Variants in IGSF11 observed in about 807,000 individuals in gnomAD.
IGSF11 encodes the protein immunoglobulin superfamily member 11, also known as CXADR like 1.
Under a neutral mutation model 41.0 loss-of-function variants are expected in IGSF11, and 22 were observed. That is an observed-to-expected ratio of 0.54 (90% CI 0.38 to 0.77). The LOEUF is 0.77. Ranked by LOEUF, IGSF11 falls within the 30% of genes least tolerant of loss-of-function variation. The probability of loss-of-function intolerance (pLI) is 0.00; values close to 1 mark genes in which losing one functional copy is unlikely to be tolerated. For synonymous variants in IGSF11, 219 were observed against 201.3 expected, an observed-to-expected ratio of 1.09 and a Z score of -0.74; for missense variants, 444 against 530.8, an observed-to-expected ratio of 0.84 and a Z score of 1.61.
chr3:119,132,500 A>G (rs2077498540), intron 1 of IGSF11, among the ~76,000 whole-genome samples: 1 of 152,038 alleles, frequency 6.6e-6, no homozygotes, highest in Admixed American at 6.6e-5. Context: ...TATTAAAGGG[A>G]TCAATTCAAC....
chr3:118,968,963 C>T (rs142803736), intron 1 of IGSF11, among the ~76,000 whole-genome samples: 4 of 152,266 alleles, frequency 2.6e-5, no homozygotes, highest in African/African-American at 7.2e-5. Context: ...AAATTCATCT[C>T]ATACACATAA....
chr3:119,005,329 C>T (rs55917522), intron 1 of IGSF11, among the ~76,000 whole-genome samples: 46,113 of 144,576 alleles, frequency 0.32, 8,028 homozygotes, highest in African/African-American at 0.5. Context: ...GATCTTCCTC[C>T]ACCCTTTTAT....
At chr3:119,103,514 C>G (rs1247990458) in intron 1 of IGSF11, among the ~76,000 whole-genome samples, 1 of 152,044 alleles carries the variant, frequency 6.6e-6, no homozygotes, top group African/African-American at 2.4e-5. Flanking sequence ...TAAGATCTTC[C>G]TTTCTGCTAA....
Position 118,902,615 on chromosome 3 carries a change from T to A in IGSF11, c.1201A>T (p.Thr401Ser). 1 of 1,613,800 alleles carries A rather than the reference T, an allele frequency of 6.2e-7. No homozygotes were observed. Among genetic ancestry groups the A allele is most frequent in the East Asian group, 2.2e-5 (1 of 44,856 alleles). The change falls in exon 7 of 7, where the codon ACT (threonine) becomes TCT (serine). Residue 401 changes from threonine (T) to serine (S), a missense_variant. This residue lies in a region of IGSF11 where 223 missense variants were observed against 226.2 expected (regional missense o/e 0.99). Coordinates refer to ENST00000393775, the MANE Select transcript of IGSF11 (RefSeq NM_001015887.3). ...GCGTGGCTGATGGTGTAGGAATGAGTGTGTGGAGGCCGAGGCTTCCTACTG... is the reference window on the plus strand; with the variant it reads ...GCGTGGCTGATGGTGTAGGAATGAGAGTGTGGAGGCCGAGGCTTCCTACTG... The part of the protein sequence containing the change: ...SVSRKPRPPH[T>S]HSYTISHATL...
chr3:118,958,394 T>C (rs1945108480), intron 1 of IGSF11, among the ~76,000 whole-genome samples: 1 of 152,188 alleles, frequency 6.6e-6, no homozygotes, highest in Non-Finnish European at 1.5e-5. Flanking sequence ...GAACATAGAA[T>C]ATTTTGTAAC....
chr3:118,912,349 G>A (rs1291543635), intron 4 of IGSF11, among the ~76,000 whole-genome samples: 1 of 152,190 alleles, frequency 6.6e-6, no homozygotes, highest in Non-Finnish European at 1.5e-5. Flanking sequence ...AGGACTTGGA[G>A]AGTGGGTGTC....
At chr3:119,102,888 T>C (rs1374688435) in intron 1 of IGSF11, among the ~76,000 whole-genome samples, 1 of 152,172 alleles carries the variant, frequency 6.6e-6, no homozygotes, top group Non-Finnish European at 1.5e-5. Flanking sequence ...GTGGTCTTAG[T>C]ATGTCTTCTC....
Position 118,976,831 on chromosome 3 carries a change from G to A in IGSF11, c.53-46556C>T, listed in dbSNP as rs945658831. 3.3e-5 allele frequency among the ~76,000 whole-genome samples: 5 copies of A among 152,224 alleles called. 1 individual carries two copies. The highest frequency in any genetic ancestry group is 1.9e-4 in the East Asian group (1 of 5,172). On this transcript the variant is annotated intron_variant, in intron 1 of 6. Coordinates refer to ENST00000393775, the MANE Select transcript of IGSF11 (RefSeq NM_001015887.3). ...TAACAGGAGAGTCCTTCCTTCATTT[G>A]CCAACCCCCATAATGTAACATTCTA... is the stretch of plus-strand genomic sequence containing the variant.
chr3:119,090,772 T>C (rs558746121), intron 1 of IGSF11, among the ~76,000 whole-genome samples: 1 of 152,296 alleles, frequency 6.6e-6, no homozygotes, highest in South Asian at 2.1e-4. Context: ...GTCCTCAAAC[T>C]ATAGAAATCC....
chr3:119,077,458 TTA>T (rs1230633611), intron 1 of IGSF11, among the ~76,000 whole-genome samples: 5 of 152,096 alleles, frequency 3.3e-5, no homozygotes, highest in Admixed American at 2.0e-4. Flanking sequence ...ATATGTACAA[TTA>T]TATGTCAATT....
At chr3:119,058,963 G>A (rs1385114161) in intron 1 of IGSF11, among the ~76,000 whole-genome samples, 9 of 151,754 alleles carry the variant, frequency 5.9e-5, no homozygotes, top group South Asian at 2.1e-4. Context: ...ATCACACATC[G>A]GGGACTGTTG....
In IGSF11 at chr3:119,095,528, C is replaced by T. The variant is rs568958497; in HGVS notation, c.49+9616G>A. ...AGGGTCTAGGATTTTACTCTACTTA[C>T]AAGCTAACAAATTAACCTATTACTG... On this transcript the variant is annotated intron_variant, in intron 1 of 6. Coordinates refer to the IGSF11 transcript ENST00000354673. Among the ~76,000 whole-genome samples the T allele has an allele frequency of 5.3e-5, 8 of 152,314 alleles. No homozygotes were observed. The South Asian group carries it at 1.5e-3, about 28-fold the overall frequency.
intron 1 of IGSF11, among the ~76,000 whole-genome samples, chr3:119,129,015 A>T (rs1422933777): frequency 2.0e-5 from 3 of 152,250 alleles, no homozygotes; most frequent in Non-Finnish European, 1.5e-5. Flanking sequence ...TTGCAGGGAC[A>T]TGGATGAAAC....
At chr3:119,034,891 C>A (rs1424555766), upstream of IGSF11, 1 of 1,097,996 alleles carries the variant, frequency 9.1e-7, no homozygotes, top group Non-Finnish European at 1.1e-6. Context: ...CCCCAACTCA[C>A]GCCCCGCTAC....
At chr3:119,133,116 A>G (rs748206586) in intron 1 of IGSF11, among the ~76,000 whole-genome samples, 5 of 152,232 alleles carry the variant, frequency 3.3e-5, no homozygotes, top group Non-Finnish European at 5.9e-5. Context: ...TGAAAGCAGT[A>G]AAGATCTAAA....
intron 1 of IGSF11, among the ~76,000 whole-genome samples, chr3:119,094,407 T>C (rs1039373849): frequency 7.3e-5 from 11 of 151,620 alleles, no homozygotes; most frequent in African/African-American, 2.7e-4. Context: ...AAAACCTGTA[T>C]GGTATTAGCA....
At chr3:118,943,013 A>G (rs902245494) in intron 1 of IGSF11, 2 of 152,290 alleles carry the variant, frequency 1.3e-5, no homozygotes, top group African/African-American at 4.8e-5. Flanking sequence ...GGTGCCTCAA[A>G]GAGTATGGCT....
intron 1 of IGSF11, among the ~76,000 whole-genome samples, chr3:119,083,790 C>T (rs2076626213): frequency 6.6e-6 from 1 of 152,132 alleles, no homozygotes; most frequent in Admixed American, 6.5e-5. Context: ...TAATGATAAA[C>T]TACTAAGGTA....
chr3:118,933,989 A>G (rs945977826), intron 1 of IGSF11, among the ~76,000 whole-genome samples: 1 of 151,494 alleles, frequency 6.6e-6, no homozygotes, highest in African/African-American at 2.4e-5. Context: ...CATAACTTCA[A>G]CCCCTTTCTC....
Sources: allele counts gnomAD v4.1 joint callset (sites outside exome capture counted in the v4.1 genomes callset), GRCh38; gene constraint gnomAD v4.1.1; regional missense constraint gnomAD v4.1.1; transcripts MANE v1.5; gene names NCBI Gene and HGNC (gene_info 2026-07-23, HGNC 2026-07-21).